The following ISLR2 variants were observed in gnomAD, a reference collection of about 807,000 sequenced individuals.
The protein encoded by ISLR2 is immunoglobulin superfamily containing leucine rich repeat 2, also known as immunoglobulin superfamily containing leucine-rich repeat protein 2.
Under a neutral mutation model 25.5 loss-of-function variants are expected in ISLR2, and 16 were observed. That is an observed-to-expected ratio of 0.63 (90% CI 0.43 to 0.95). The LOEUF (loss-of-function observed/expected upper bound fraction) is 0.95. ISLR2 is among the 40% of genes least tolerant of loss of function. ISLR2 has a pLI of 0.00. For synonymous variants in ISLR2, 508 were observed against 486.6 expected (o/e 1.04, Z -0.58); for missense variants, 883 against 1,030.7 (o/e 0.86, Z 1.96).
upstream of ISLR2, chr15:74,126,943 T>A: frequency 7.2e-6 from 1 of 139,594 alleles, no homozygotes; most frequent in South Asian, 2.3e-4. Flanking sequence ...TGTGTGTGTG[T>A]GTGTGTGTGT....
At chr15:74,121,321 G>A (rs2072251082) in intron 2 of ISLR2, among the ~76,000 whole-genome samples, 1 of 152,204 alleles carries the variant, frequency 6.6e-6, no homozygotes, top group Admixed American at 6.5e-5. Context: ...GACGCAGGAA[G>A]ATGGGGCTGC....
chr15:74,102,948 C>T (rs1160284254), intron 1 of ISLR2, among the ~76,000 whole-genome samples: 2 of 151,648 alleles, frequency 1.3e-5, no homozygotes, highest in Admixed American at 1.3e-4. Flanking sequence ...GCTGGGACTA[C>T]AAGCACCCAC....
In ISLR2 at chr15:74,136,415, G is replaced by A. The variant is rs1366938810; in HGVS notation, c.*1423G>A. ...TGGAGCCGAGCCCCTCCGTCCTCGC[G>A]TCTCGGTCCTCGCGTCGCCCCGCCC... On this transcript the variant is annotated 3_prime_UTR_variant, in exon 3 of 3. Transcript: ENST00000453268. The A allele has an allele frequency of 1.2e-5, 2 of 165,400 alleles. No homozygotes were observed. The highest frequency in any genetic ancestry group is 4.8e-5 in the African/African-American group (2 of 41,450). The allele number at this position is 165,400 out of a possible 1,614,324, so 10.2% of individuals were successfully genotyped here.
At chr15:74,119,393 T>C (rs1229076934) in intron 2 of ISLR2, among the ~76,000 whole-genome samples, 1 of 152,146 alleles carries the variant, frequency 6.6e-6, no homozygotes, top group African/African-American at 2.4e-5. Flanking sequence ...AAATTTTTTG[T>C]AGAAATTGGA....
At position 74,132,974 on chromosome 15, in the gene ISLR2, G is replaced by C; in HGVS notation, c.220G>C (p.Val74Leu). 1.2e-6 allele frequency: 2 copies of C among 1,613,932 alleles called. No individual in the cohort carries two copies. Among genetic ancestry groups the C allele is most frequent in the Non-Finnish European group, 1.7e-6 (2 of 1,179,940 alleles). ...GCTGCGGCGCGGGGCCTTCGCCGACGTCACACAGGTCACGTCGCTGTGGCT... is the reference window on the plus strand; with the variant it reads ...GCTGCGGCGCGGGGCCTTCGCCGACCTCACACAGGTCACGTCGCTGTGGCT... Reference protein sequence around the residue: ...TVLRRGAFADVTQVTSLWLAH... With the variant: ...TVLRRGAFADLTQVTSLWLAH... Residue 74 changes from valine to leucine, a missense_variant, in exon 3 of 3, where the codon GTC becomes CTC. By Grantham distance (32) the Val-to-Leu change is conservative. This residue lies in a region of ISLR2 where 271 missense variants were observed against 387.9 expected (regional missense o/e 0.70). Transcript: ENST00000453268. This position sits in a 1 kb window ranked among gnomAD's most constrained non-coding sequence, Gnocchi z 4.3.
intron 2 of ISLR2, among the ~76,000 whole-genome samples, chr15:74,105,544 G>C (rs2072113070): frequency 1.7e-5 from 2 of 121,090 alleles, no homozygotes. Flanking sequence ...GCACGGATCT[G>C]CTCCATAGTC....
chr15:74,138,061 T>C (rs2072587265), downstream of ISLR2, among the ~76,000 whole-genome samples: 1 of 152,184 alleles, frequency 6.6e-6, no homozygotes, highest in Non-Finnish European at 1.5e-5. Context: ...AATGCTTTGT[T>C]CCCTGATCCT....
chr15:74,129,600 T>G (rs2072359993), upstream of ISLR2: 4 of 152,572 alleles, frequency 2.6e-5, no homozygotes. The surrounding 1 kb of genome is among the most constrained non-coding windows in gnomAD (Gnocchi z 4.5). Context: ...AAACCGGGTT[T>G]TAGCCAAATG....
upstream of ISLR2, chr15:74,125,871 G>A (rs2072290528): frequency 6.6e-6 from 1 of 152,016 alleles, no homozygotes; most frequent in African/African-American, 2.4e-5. Context: ...GGATTTTTTT[G>A]TTTTTCCCTA....
chr15:74,133,825 A>C lies in ISLR2; in HGVS notation c.1071A>C (p.Ala357=), dbSNP rs772182757. The change falls in exon 3 of 3, where the codon GCA becomes GCC. Residue 357 remains alanine (A), a synonymous_variant. Transcript: ENST00000453268. ...AKEAGVYTCR[A]HNELGANSTS... ...AGGCGGGCGTCTACACTTGCCGTGC[A>C]CACAATGAGCTGGGCGCCAACTCTA... is the stretch of plus-strand genomic sequence containing the variant. 3 of 1,613,886 alleles carry C rather than the reference A, an allele frequency of 1.9e-6. No individual in the cohort carries two copies. Among genetic ancestry groups the C allele is most frequent in the Non-Finnish European group, 2.5e-6 (3 of 1,179,942 alleles).
At chr15:74,120,211 T>C (rs962525915) in intron 2 of ISLR2, among the ~76,000 whole-genome samples, 1 of 152,206 alleles carries the variant, frequency 6.6e-6, no homozygotes, top group African/African-American at 2.4e-5. Context: ...ACTCCCACCA[T>C]GATTTTTATC....
downstream of ISLR2, among the ~76,000 whole-genome samples, chr15:74,138,713 A>G (rs1304752534): frequency 6.6e-6 from 1 of 152,218 alleles, no homozygotes; most frequent in East Asian, 1.9e-4. Context: ...TTCCCTTCTG[A>G]GGGCCACAGC....
At chr15:74,110,692 C>G (rs1430976215) in intron 2 of ISLR2, among the ~76,000 whole-genome samples, 2 of 150,728 alleles carry the variant, frequency 1.3e-5, no homozygotes, top group African/African-American at 4.9e-5. Context: ...CATGGTGTCT[C>G]TCACCTGTAA....
chr15:74,133,370 C>G lies in ISLR2; in HGVS notation c.616C>G (p.Pro206Ala), dbSNP rs2072474206. ...AASTRVSLPE[P>A]DSIACASPPA... Reference sequence around the variant, plus strand: ...GAGCACCCGGGTGTCCTTACCCGAGCCCGACTCCATTGCTTGTGCCTCGCC... The same window carrying G: ...GAGCACCCGGGTGTCCTTACCCGAGGCCGACTCCATTGCTTGTGCCTCGCC... The change falls in exon 3 of 3, where the codon CCC becomes GCC. Residue 206 changes from proline (P) to alanine (A), a missense_variant. Physicochemically the swap from Pro to Ala is conservative, Grantham distance 27. Coordinates refer to ENST00000453268, the MANE Select transcript of ISLR2 (RefSeq NM_020851.3). 10 of 1,607,976 alleles carry G rather than the reference C, an allele frequency of 6.2e-6. No individual in the cohort carries two copies. The highest frequency in any genetic ancestry group is 8.5e-6 in the Non-Finnish European group (10 of 1,179,834).
intron 2 of ISLR2, among the ~76,000 whole-genome samples, chr15:74,110,927 C>T (rs571967775): frequency 1.4e-4 from 22 of 151,934 alleles, no homozygotes; most frequent in Non-Finnish European, 2.6e-4. Context: ...ATCGTGCCAT[C>T]GCACTCCAGC....
At chr15:74,137,383 A>G (rs987356294), downstream of ISLR2, among the ~76,000 whole-genome samples, 4 of 152,206 alleles carry the variant, frequency 2.6e-5, no homozygotes, top group Non-Finnish European at 4.4e-5. Context: ...GCCCAGAGCG[A>G]GCCGGCACGT....
intron 2 of ISLR2, among the ~76,000 whole-genome samples, chr15:74,117,069 C>T (rs2072216606): frequency 6.6e-6 from 1 of 152,184 alleles, no homozygotes; most frequent in Admixed American, 6.5e-5. Flanking sequence ...GGGGAGGGGA[C>T]ATGGTGGCAT....
chr15:74,133,672 G>A lies in ISLR2; in HGVS notation c.918G>A (p.Gly306=). 2 of 1,609,450 alleles carry A rather than the reference G, an allele frequency of 1.2e-6. No individual in the cohort carries two copies. Among genetic ancestry groups the A allele is most frequent in the South Asian group, 2.2e-5 (2 of 90,570 alleles). The part of the protein sequence containing the change: ...GAEEGEGEGD[G]DLLTQTQAQT... ...AGGAAGGAGAGGGAGAAGGAGATGG[G>A]GATTTGCTGACGCAGACCCAAGCCC... Residue 306 remains glycine (G), a synonymous_variant, in exon 3 of 3, where the codon GGG becomes GGA. Coordinates refer to ENST00000453268, the MANE Select transcript of ISLR2 (RefSeq NM_020851.3).
chr15:74,134,260 G>C lies in ISLR2; in HGVS notation c.1506G>C (p.Leu502=). Residue 502 remains leucine, a synonymous_variant, in exon 3 of 3, where the codon CTG becomes CTC. Transcript: ENST00000453268. ...CGGAGCGCGAGGCGCGGGTGCAGCT[G>C]ACTCCGCTGGCTGCGCGCTGGGGCC... The part of the protein sequence containing the change: ...DVAEREARVQ[L]TPLAARWGPG... The C allele has an allele frequency of 6.4e-7, 1 of 1,565,542 alleles. No individual in the cohort carries two copies. Among genetic ancestry groups the C allele is most frequent in the Non-Finnish European group, 8.7e-7 (1 of 1,155,242 alleles).
Sources: allele counts gnomAD v4.1 joint callset (sites outside exome capture counted in the v4.1 genomes callset), GRCh38; gene constraint gnomAD v4.1.1; regional missense constraint gnomAD v4.1.1; non-coding constraint Gnocchi (gnomAD v3.1); transcripts MANE v1.5; gene names NCBI Gene and HGNC (gene_info 2026-07-23, HGNC 2026-07-21).